DCC: variants seen among roughly 807,000 people sequenced by gnomAD.
DCC encodes the protein DCC netrin 1 receptor.
DCC carries 58 observed loss-of-function variants against 172.5 expected under a neutral mutation model. The ratio of observed to expected loss-of-function variants is 0.34; its 90% confidence interval spans 0.27 to 0.42. DCC has a LOEUF of 0.42. Ranked by LOEUF, DCC falls within the 10% of genes least tolerant of loss-of-function variation. The probability of loss-of-function intolerance (pLI) is 1.00; values close to 1 mark genes in which losing one functional copy is unlikely to be tolerated. For missense variants in DCC, 1,740 were observed against 1,791.0 expected (o/e 0.97, Z 0.51); for synonymous variants, 709 against 644.5 (o/e 1.10, Z -1.52).
intron 1 of DCC, among the ~76,000 whole-genome samples, chr18:52,398,359 C>T (rs1034978794): frequency 6.6e-6 from 1 of 151,936 alleles, no homozygotes; most frequent in African/African-American, 2.4e-5. Context: ...AAGTTCATTC[C>T]ACTCTCATCT....
chr18:52,501,038 T>C (rs1365655709), intron 1 of DCC, among the ~76,000 whole-genome samples: 1 of 152,194 alleles, frequency 6.6e-6, no homozygotes, highest in African/African-American at 2.4e-5. Flanking sequence ...GGTTATAAAA[T>C]GCCACAGATT....
chr18:52,427,052 A>G (rs1200036435), intron 1 of DCC, among the ~76,000 whole-genome samples: 2 of 152,156 alleles, frequency 1.3e-5, no homozygotes, highest in Non-Finnish European at 2.9e-5. Flanking sequence ...TCAAGATCAT[A>G]GAACAACTTA....
chr18:52,643,175 A>G (rs1401520755), intron 1 of DCC, among the ~76,000 whole-genome samples: 1 of 152,186 alleles, frequency 6.6e-6, no homozygotes, highest in Non-Finnish European at 1.5e-5. Flanking sequence ...ACCATTTGAC[A>G]TAGTCTCAGT....
At chr18:53,452,728 A>G (rs2045429069) in intron 23 of DCC, among the ~76,000 whole-genome samples, 1 of 151,962 alleles carries the variant, frequency 6.6e-6, no homozygotes, top group Non-Finnish European at 1.5e-5. Context: ...TCCTCACTGC[A>G]CTCTCAAAGT....
intron 7 of DCC, among the ~76,000 whole-genome samples, chr18:53,078,045 A>G (rs560576724): frequency 5.3e-5 from 8 of 152,332 alleles, no homozygotes; most frequent in Non-Finnish European, 4.4e-5. Flanking sequence ...CGATATAACT[A>G]ATCTTAATTA....
At chr18:53,116,394 G>T (rs1159134033) in intron 7 of DCC, among the ~76,000 whole-genome samples, 3 of 151,736 alleles carry the variant, frequency 2.0e-5, no homozygotes, top group Non-Finnish European at 4.4e-5. Context: ...AAGTCATCTA[G>T]TTGGCCTGCG....
At chr18:52,356,026 C>A (rs774520774) in intron 1 of DCC, among the ~76,000 whole-genome samples, 6 of 152,176 alleles carry the variant, frequency 3.9e-5, no homozygotes, top group Non-Finnish European at 7.3e-5. Context: ...CAGATCTCAT[C>A]ACTAGCAATG....
chr18:52,665,135 C>T (rs2035440792), intron 1 of DCC, among the ~76,000 whole-genome samples: 1 of 152,128 alleles, frequency 6.6e-6, no homozygotes, highest in South Asian at 2.1e-4. Context: ...CCTTCTTATC[C>T]CTTTTCCAAT....
chr18:53,409,418 A>G (rs1010825729), intron 19 of DCC, among the ~76,000 whole-genome samples: 4 of 152,180 alleles, frequency 2.6e-5, no homozygotes, highest in African/African-American at 9.6e-5. Flanking sequence ...CATAAATAGA[A>G]TGAGGGACAC....
chr18:53,202,629 A>G (rs543894407), intron 9 of DCC, among the ~76,000 whole-genome samples: 2 of 152,248 alleles, frequency 1.3e-5, no homozygotes, highest in South Asian at 4.1e-4. Flanking sequence ...TTATCTCCCC[A>G]TGGGTTGCTT....
chr18:52,953,188 GAATT>G (rs2040686309), intron 5 of DCC, among the ~76,000 whole-genome samples: 1 of 151,980 alleles, frequency 6.6e-6, no homozygotes. Flanking sequence ...CGTTTTAAAT[GAATT>G]AATAAACAGG....
At chr18:53,255,898 C>T (rs974601966) in intron 12 of DCC, among the ~76,000 whole-genome samples, 17 of 152,008 alleles carry the variant, frequency 1.1e-4, no homozygotes, top group Admixed American at 7.9e-4. Context: ...TTTTAATGAT[C>T]ACCATTCTAA....
intron 2 of DCC, among the ~76,000 whole-genome samples, chr18:52,790,530 T>A (rs1051795721): frequency 2.0e-5 from 3 of 152,068 alleles, no homozygotes; most frequent in African/African-American, 7.2e-5. Context: ...TAGAGAAGCA[T>A]TTTAAGGTTT....
chr18:53,121,063 G>A (rs2043476683), intron 7 of DCC, among the ~76,000 whole-genome samples: 1 of 151,854 alleles, frequency 6.6e-6, no homozygotes, highest in South Asian at 2.1e-4. Flanking sequence ...CATTAAATAT[G>A]TAGATTGCTG....
chr18:52,364,209 G>T (rs1339054403), intron 1 of DCC, among the ~76,000 whole-genome samples: 6 of 152,116 alleles, frequency 3.9e-5, no homozygotes, highest in African/African-American at 1.4e-4. Context: ...TATGGCCTGA[G>T]AAATGTTCAT....
chr18:52,843,446 G>A (rs1038432428), intron 2 of DCC, among the ~76,000 whole-genome samples: 6 of 152,090 alleles, frequency 3.9e-5, no homozygotes, highest in Non-Finnish European at 8.8e-5. Flanking sequence ...TACAAAGATT[G>A]AAGTTTAAAG....
At chr18:53,468,045 A>C in intron 25 of DCC, 35 bp downstream of exon 25, 1 of 990,138 alleles carries the variant, frequency 1.0e-6, no homozygotes, top group Non-Finnish European at 1.6e-6. Flanking sequence ...GAAGAAATGA[A>C]ATGCTTTCTG....
intron 22 of DCC, among the ~76,000 whole-genome samples, chr18:53,447,284 A>G (rs1367213371): frequency 6.6e-6 from 1 of 152,180 alleles, no homozygotes; most frequent in African/African-American, 2.4e-5. Context: ...TGCCTGCTTG[A>G]TGTCAGGTAA....
chr18:53,077,853 A>G (rs1230572726), intron 7 of DCC, among the ~76,000 whole-genome samples: 1 of 152,152 alleles, frequency 6.6e-6, no homozygotes, highest in East Asian at 1.9e-4. Flanking sequence ...ATTACTAATA[A>G]AGGTTAAACA....
Sources: gnomAD v4.1 joint callset for allele counts (sites outside exome capture counted in the v4.1 genomes callset) on GRCh38, gnomAD v4.1.1 for gene constraint, MANE v1.5 for transcripts, NCBI Gene and HGNC (gene_info 2026-07-23, HGNC 2026-07-21) for gene names.